Variants in CFAP221 observed in about 807,000 individuals in gnomAD.
CFAP221 encodes cilia- and flagella-associated protein 221.
In CFAP221, 97 loss-of-function variants were observed where a neutral mutation model predicts 113.1. The ratio of observed to expected loss-of-function variants is 0.86; its 90% CI spans 0.73 to 1.02. CFAP221 has a LOEUF of 1.02. CFAP221 is among the 50% of genes least tolerant of loss of function. The pLI is 0.00. For missense variants in CFAP221, 1,025 were observed against 1,013.4 expected, an observed-to-expected ratio of 1.01 and a Z score of -0.16; for synonymous variants, 331 against 354.4, an observed-to-expected ratio of 0.93 and a Z score of 0.74.
intron 20 of CFAP221, among the ~76,000 whole-genome samples, chr2:119,639,443 G>A (rs1282729866): frequency 6.6e-6 from 1 of 152,180 alleles, no homozygotes; most frequent in Non-Finnish European, 1.5e-5. Flanking sequence ...TGGATGAACT[G>A]CCATCCTCTC....
chr2:119,574,544 A>G (rs1370957956), intron 6 of CFAP221, among the ~76,000 whole-genome samples: 6 of 152,152 alleles, frequency 3.9e-5, no homozygotes, highest in Non-Finnish European at 1.5e-5. Flanking sequence ...TTGGCCCTGG[A>G]GAGACACCCC....
rs551702703 is a variant in CFAP221 at position 119,632,552 on chromosome 2, T to G, written c.1974+1651T>G. Among the ~76,000 whole-genome samples, 3 of 152,268 alleles carry G rather than the reference T, an allele frequency of 2.0e-5. No individual in the cohort carries two copies. In the East Asian group the frequency reaches 5.8e-4, roughly 29 times the overall value. On this transcript the variant is annotated intron_variant, in intron 19 of 23. Coordinates refer to ENST00000413369, the MANE Select transcript of CFAP221 (RefSeq NM_001271049.2). ...TCAAACGGAGTAGTAAATCACTGAA[T>G]GCCTTCCTCCTAAGATCAAGTATAG...
intron 19 of CFAP221, among the ~76,000 whole-genome samples, chr2:119,636,962 C>T (rs1255237631): frequency 6.6e-6 from 1 of 152,092 alleles, no homozygotes; most frequent in African/African-American, 2.4e-5. Context: ...GCTTCACATG[C>T]CCTCAGTCAA....
chr2:119,618,213 G>C (rs1000849158), intron 14 of CFAP221, among the ~76,000 whole-genome samples: 8 of 152,230 alleles, frequency 5.3e-5, no homozygotes, highest in African/African-American at 1.4e-4. Context: ...GCTCCTTACT[G>C]TATCTCCAGT....
chr2:119,645,443 CTT>C (rs1687746095), intron 21 of CFAP221, among the ~76,000 whole-genome samples: 1 of 149,910 alleles, frequency 6.7e-6, no homozygotes, highest in Non-Finnish European at 1.5e-5. Context: ...CTTTTTTTCC[CTT>C]CTGTCTTATA....
downstream of CFAP221, among the ~76,000 whole-genome samples, chr2:119,657,208 C>A (rs1688475707): frequency 6.6e-6 from 1 of 152,080 alleles, no homozygotes; most frequent in South Asian, 2.1e-4. Flanking sequence ...TGGATGTATT[C>A]CCTCCACTCA....
At chr2:119,586,598 G>C (rs1683239294) in intron 6 of CFAP221, 1 of 152,342 alleles carries the variant, frequency 6.6e-6, no homozygotes, top group African/African-American at 2.4e-5. Context: ...ACAGCCCAAA[G>C]TGTGGTTTCT....
chr2:119,653,005 A>G (rs1271467297), intron 23 of CFAP221, among the ~76,000 whole-genome samples: 1 of 149,188 alleles, frequency 6.7e-6, no homozygotes, highest in Non-Finnish European at 1.5e-5. Context: ...AACCATGTAT[A>G]TGGTTTAAAT....
intron 2 of CFAP221, 78 bp downstream of exon 2, chr2:119,546,348 C>T (rs1680051645): frequency 2.1e-6 from 3 of 1,399,956 alleles, no homozygotes. Context: ...CATAATGGGA[C>T]TTTTAGTGCT....
intron 22 of CFAP221, among the ~76,000 whole-genome samples, chr2:119,648,825 G>A (rs1226947723): frequency 6.6e-6 from 1 of 152,150 alleles, no homozygotes; most frequent in Non-Finnish European, 1.5e-5. Context: ...AACACAAGAG[G>A]CCAACTTAGC....
chr2:119,643,405 A>G (rs1687613238), intron 21 of CFAP221, among the ~76,000 whole-genome samples: 1 of 152,250 alleles, frequency 6.6e-6, no homozygotes, highest in East Asian at 1.9e-4. Flanking sequence ...ATAAAATCAG[A>G]GAGTCAGTGA....
intron 5 of CFAP221, among the ~76,000 whole-genome samples, chr2:119,561,004 A>G (rs1184704623): frequency 2.0e-5 from 3 of 152,082 alleles, no homozygotes; most frequent in Non-Finnish European, 2.9e-5. Context: ...TTAAAAAAAA[A>G]ATGGCCAGGC....
At chr2:119,652,595 C>T (rs1025688735) in intron 23 of CFAP221, among the ~76,000 whole-genome samples, 1 of 152,176 alleles carries the variant, frequency 6.6e-6, no homozygotes, top group East Asian at 1.9e-4. Context: ...TTCTCTCCTT[C>T]TCTCCATCAG....
chr2:119,571,621 A>C, intron 6 of CFAP221, among the ~76,000 whole-genome samples: 1 of 151,710 alleles, frequency 6.6e-6, no homozygotes, highest in East Asian at 2.0e-4. Flanking sequence ...CACCTAGCTA[A>C]CTTTTTTGTA....
intron 7 of CFAP221, among the ~76,000 whole-genome samples, chr2:119,593,246 G>A: frequency 6.6e-6 from 1 of 152,290 alleles, no homozygotes; most frequent in East Asian, 1.9e-4. Context: ...GTATTTGCAT[G>A]AGTGTGGTGT....
chr2:119,633,870 G>A (rs1643016361), intron 19 of CFAP221, among the ~76,000 whole-genome samples: 1 of 152,162 alleles, frequency 6.6e-6, no homozygotes, highest in African/African-American at 2.4e-5. Flanking sequence ...CACACTATTG[G>A]TAGAAATCCA....
In CFAP221 at chr2:119,565,681, A is replaced by G. The variant is rs530261468; in HGVS notation, c.527+3567A>G. On this transcript the variant is annotated intron_variant, in intron 6 of 23. Coordinates refer to ENST00000413369, the MANE Select transcript of CFAP221 (RefSeq NM_001271049.2). ...TTTTTAAAAAATCTTTCAAAAGATA[A>G]GCATGCTACTGTTTTCCTCCAGACA... Among the ~76,000 whole-genome samples the G allele has an allele frequency of 5.9e-5, 9 of 152,364 alleles. No homozygotes were observed. The East Asian group carries it at 1.7e-3, about 29-fold the overall frequency.
At chr2:119,590,225 T>C (rs1439387429) in intron 7 of CFAP221, 2 of 152,218 alleles carry the variant, frequency 1.3e-5, no homozygotes, top group Non-Finnish European at 2.9e-5. Context: ...TTTTTAATTA[T>C]AAGAAAAATA....
rs757647160 is a variant in CFAP221 at position 119,605,271 on chromosome 2, T to G, written c.1115T>G (p.Met372Arg). Residue 372 changes from methionine (M) to arginine (R), a missense_variant, in exon 11 of 24, where the codon ATG becomes AGG. Met to Arg is a moderately conservative substitution (Grantham distance 91). Coordinates refer to ENST00000413369, the MANE Select transcript of CFAP221 (RefSeq NM_001271049.2). ...QKVRQDIHEE[M>R]ENHLKWQVHL... is the part of the protein sequence containing the mutation. ...GTCAGACAGGACATTCACGAAGAGA[T>G]GGAAAATCATCTTAAGTGGTAAATA... The G allele has an allele frequency of 1.2e-6, 2 of 1,613,126 alleles. No individual in the cohort carries two copies. Among genetic ancestry groups the G allele is most frequent in the East Asian group, 4.5e-5 (2 of 44,870 alleles).
Sources: gnomAD v4.1 joint callset for allele counts (sites outside exome capture counted in the v4.1 genomes callset) on GRCh38, gnomAD v4.1.1 for gene constraint, MANE v1.5 for transcripts, NCBI Gene and HGNC (gene_info 2026-07-23, HGNC 2026-07-21) for gene names.